SBF2: variants seen among roughly 807,000 people sequenced by gnomAD.
SBF2 encodes the protein SET binding factor 2.
SBF2 carries 112 observed loss-of-function variants against 225.2 expected under a neutral mutation model. The ratio of observed to expected loss-of-function variants is 0.50; its 90% CI spans 0.43 to 0.58. SBF2 has a LOEUF of 0.58. SBF2 is among the 20% of genes least tolerant of loss of function. The pLI is 0.00. For synonymous variants in SBF2, 763 were observed against 773.3 expected (o/e 0.99, Z 0.22); for missense variants, 1,996 against 2,206.2 (o/e 0.90, Z 1.91).
chr11:10,017,618 T>C (rs1018361497), intron 6 of SBF2, among the ~76,000 whole-genome samples: 2 of 152,200 alleles, frequency 1.3e-5, no homozygotes, highest in Non-Finnish European at 2.9e-5. Context: ...CCACATATGA[T>C]AGATATGGCA....
intron 33 of SBF2, among the ~76,000 whole-genome samples, chr11:9,792,218 G>A (rs531651202): frequency 2.6e-5 from 4 of 152,074 alleles, no homozygotes; most frequent in African/African-American, 9.7e-5. Context: ...GATCACTTGA[G>A]GTCAGGAGTT....
intron 1 of SBF2, among the ~76,000 whole-genome samples, chr11:10,216,461 T>TA (rs1037692275): frequency 8.5e-5 from 13 of 152,372 alleles, no homozygotes; most frequent in Admixed American, 7.8e-4. Flanking sequence ...CTCTCTAATG[T>TA]AACTAGTTTT....
At chr11:9,930,950 C>T (rs1042258702) in intron 16 of SBF2, among the ~76,000 whole-genome samples, 3 of 152,246 alleles carry the variant, frequency 2.0e-5, no homozygotes, top group African/African-American at 7.2e-5. Context: ...AGATTCTCTC[C>T]CATGCCAGGC....
At chr11:10,107,508 G>A (rs1952606457) in intron 2 of SBF2, among the ~76,000 whole-genome samples, 2 of 152,118 alleles carry the variant, frequency 1.3e-5, no homozygotes, top group Admixed American at 1.3e-4. Flanking sequence ...CAGAATCTTG[G>A]TGGTTTTAAA....
At chr11:9,948,803 A>G (rs374715652) in intron 16 of SBF2, among the ~76,000 whole-genome samples, 4 of 152,322 alleles carry the variant, frequency 2.6e-5, no homozygotes, top group East Asian at 3.9e-4. Flanking sequence ...ATCCAAAACC[A>G]TATGATTCAT....
intron 4 of SBF2, among the ~76,000 whole-genome samples, chr11:10,030,496 C>T (rs975226933): frequency 6.6e-6 from 1 of 152,142 alleles, no homozygotes; most frequent in Non-Finnish European, 1.5e-5. Context: ...CAAATAATCT[C>T]AATTTCTAGA....
At chr11:10,121,823 T>C (rs534056757) in intron 2 of SBF2, among the ~76,000 whole-genome samples, 2 of 152,338 alleles carry the variant, frequency 1.3e-5, no homozygotes, top group South Asian at 2.1e-4. Context: ...CCATTCTGCA[T>C]AGTGTGATGA....
At chr11:9,988,424 A>C (rs1947283001) in intron 13 of SBF2, among the ~76,000 whole-genome samples, 1 of 152,134 alleles carries the variant, frequency 6.6e-6, no homozygotes, top group Non-Finnish European at 1.5e-5. Flanking sequence ...CTAATTAATG[A>C]GCTTTTGCAC....
chr11:9,934,989 T>C lies in SBF2; in HGVS notation c.1860+26968A>G, dbSNP rs375748492. Among the ~76,000 whole-genome samples, 3 of 152,218 alleles carry C rather than the reference T, an allele frequency of 2.0e-5. No individual in the cohort carries two copies. The East Asian group carries it at 5.8e-4, about 29-fold the overall frequency. On this transcript the variant is annotated intron_variant, in intron 16 of 39. Transcript: ENST00000256190. The stretch of plus-strand genomic sequence containing the variant: ...GGGAAGAGAAAGAAATAAAAGGTAT[T>C]AAATTAGGAAAAGAGGAAGTGAAAT...
chr11:10,019,101 G>C (rs1031928296), intron 6 of SBF2, among the ~76,000 whole-genome samples: 1 of 152,144 alleles, frequency 6.6e-6, no homozygotes. Context: ...GGTAAGAGCT[G>C]TGATTTGTTC....
chr11:9,868,833 A>G (rs1313845448), intron 17 of SBF2, among the ~76,000 whole-genome samples: 1 of 151,970 alleles, frequency 6.6e-6, no homozygotes, highest in East Asian at 1.9e-4. Flanking sequence ...GCTTGATCAG[A>G]CTCAGGCTTG....
chr11:9,843,230 T>C (rs1054270319), intron 24 of SBF2, among the ~76,000 whole-genome samples: 2 of 152,230 alleles, frequency 1.3e-5, no homozygotes, highest in Non-Finnish European at 2.9e-5. Context: ...TGAGATCATA[T>C]GGCCTTCATA....
At chr11:9,900,850 C>T (rs1861668130) in intron 16 of SBF2, among the ~76,000 whole-genome samples, 1 of 152,116 alleles carries the variant, frequency 6.6e-6, no homozygotes, top group African/African-American at 2.4e-5. Context: ...GATCCTCCTG[C>T]CTCAGCCTTC....
intron 17 of SBF2, among the ~76,000 whole-genome samples, chr11:9,887,954 G>A (rs1312544503): frequency 2.0e-5 from 3 of 151,956 alleles, no homozygotes; most frequent in African/African-American, 7.2e-5. Context: ...CCAATTAAAA[G>A]TGATGACTTA....
chr11:10,107,887 A>C (rs1231938953), intron 2 of SBF2, among the ~76,000 whole-genome samples: 1 of 152,206 alleles, frequency 6.6e-6, no homozygotes, highest in Non-Finnish European at 1.5e-5. Flanking sequence ...GGGTGGGGAC[A>C]CCATTCAACC....
intron 17 of SBF2, among the ~76,000 whole-genome samples, chr11:9,877,505 T>G (rs1176670639): frequency 6.6e-6 from 1 of 152,144 alleles, no homozygotes; most frequent in African/African-American, 2.4e-5. Context: ...CATCAACTCG[T>G]CATTTACATC....
At chr11:10,173,469 G>C (rs957509675) in intron 2 of SBF2, among the ~76,000 whole-genome samples, 2 of 152,208 alleles carry the variant, frequency 1.3e-5, no homozygotes, top group Admixed American at 6.5e-5. Flanking sequence ...AAAAAACGCC[G>C]CACCAGGAGA....
chr11:10,199,556 CAAAT>C (rs1957501770), intron 1 of SBF2, among the ~76,000 whole-genome samples: 1 of 152,060 alleles, frequency 6.6e-6, no homozygotes. Context: ...GCACAATAAA[CAAAT>C]AATAAATAAT....
intron 13 of SBF2, among the ~76,000 whole-genome samples, chr11:9,983,037 T>C (rs1395058259): frequency 6.6e-6 from 1 of 152,006 alleles, no homozygotes; most frequent in Non-Finnish European, 1.5e-5. Flanking sequence ...ATTCTCTAGC[T>C]GAACTTTTTA....
Sources: gnomAD v4.1 joint callset for allele counts (sites outside exome capture counted in the v4.1 genomes callset) on GRCh38, gnomAD v4.1.1 for gene constraint, MANE v1.5 for transcripts, NCBI Gene and HGNC (gene_info 2026-07-23, HGNC 2026-07-21) for gene names.